SMAD4: variants seen among roughly 807,000 people sequenced by gnomAD.
SMAD4 encodes SMAD family member 4.
SMAD4 carries 7 observed loss-of-function variants against 63.2 expected under a neutral mutation model. The observed-to-expected ratio is 0.11, with a 90% CI of 0.06 to 0.21. The LOEUF is 0.21. Among genes scored for constraint, SMAD4 ranks in the 10% least tolerant of loss-of-function variants. The pLI, the probability that SMAD4 is intolerant of heterozygous loss-of-function variation, is 1.00. For synonymous variants in SMAD4, 215 were observed against 235.4 expected, an observed-to-expected ratio of 0.91 and a Z score of 0.79; for missense variants, 312 against 693.8, an observed-to-expected ratio of 0.45 and a Z score of 6.18.
At chr18:51,047,833 C>T (rs1421774224) in intron 2 of SMAD4, among the ~76,000 whole-genome samples, 2 of 151,866 alleles carry the variant, frequency 1.3e-5, no homozygotes, top group South Asian at 4.1e-4. Flanking sequence ...GGTCTTGAAC[C>T]GCTGACCTCA....
chr18:51,051,277 G>A (rs1909704633), intron 4 of SMAD4: 3 of 440,890 alleles, frequency 6.8e-6, no homozygotes, highest in South Asian at 1.6e-5. Context: ...TATAGTGACT[G>A]TAGGGCTGTA....
intron 8 of SMAD4, among the ~76,000 whole-genome samples, chr18:51,062,468 A>C (rs1910038562): frequency 6.6e-6 from 1 of 151,150 alleles, no homozygotes; most frequent in African/African-American, 2.4e-5. Flanking sequence ...TATGGATATC[A>C]CTTTTTTTTT....
intron 1 of SMAD4, among the ~76,000 whole-genome samples, chr18:51,032,132 A>G (rs573757826): frequency 6.6e-6 from 1 of 152,364 alleles, no homozygotes; most frequent in African/African-American, 2.4e-5. Context: ...ATGGTGAATT[A>G]TGTAGGTTTA....
rs867684157 is a variant in SMAD4, at chr18:51,084,045, G to C, written c.*5578G>C. ...ACACACACACACACACACACACACAGGTCAGAGTTTAAGGCTTTCGAGTCA... is the reference window on the plus strand; with the variant it reads ...ACACACACACACACACACACACACACGTCAGAGTTTAAGGCTTTCGAGTCA... On this transcript the variant is annotated 3_prime_UTR_variant, in exon 12 of 12. Coordinates refer to ENST00000342988, the MANE Select transcript of SMAD4 (RefSeq NM_005359.6). 727 of 190,718 alleles carry C rather than the reference G, an allele frequency of 3.8e-3. 2 individuals carry two copies. Among genetic ancestry groups the C allele is most frequent in the Non-Finnish European group, 5.0e-3 (487 of 96,920 alleles). 11.8% of individuals were successfully genotyped at this position (190,718 alleles called of 1,614,324 possible).
At chr18:51,067,338 A>G (rs987182560) in intron 10 of SMAD4, 151 bp downstream of exon 10, 3 of 471,360 alleles carry the variant, frequency 6.4e-6, no homozygotes, top group African/African-American at 4.0e-5. Flanking sequence ...TTCTGAGGGC[A>G]TTTATTGACA....
chr18:51,067,774 G>C lies in SMAD4; in HGVS notation c.1308+587G>C, dbSNP rs536180695. 2.1e-4 allele frequency among the ~76,000 whole-genome samples: 32 copies of C among 152,230 alleles called. No individual in the cohort carries two copies. In the South Asian group the frequency reaches 5.6e-3, roughly 27 times the overall value. ...AATACTGAGTGAAGCCTCCAAAGTT[G>C]TATTCCTGTAACTTGAAATTTGTAA... On this transcript the variant is annotated intron_variant, in intron 10 of 11. Coordinates refer to ENST00000342988, the MANE Select transcript of SMAD4 (RefSeq NM_005359.6).
chr18:51,044,302 G>T (rs1315809004), intron 1 of SMAD4, among the ~76,000 whole-genome samples: 1 of 152,054 alleles, frequency 6.6e-6, no homozygotes, highest in Non-Finnish European at 1.5e-5. Context: ...ACACTACCAT[G>T]CCTGGCGAAC....
In SMAD4 at chr18:51,078,997, G is replaced by A. The variant is rs1201098573; in HGVS notation, c.*530G>A. The A allele has an allele frequency of 1.3e-5, 3 of 234,110 alleles. No homozygotes were observed. The highest frequency in any genetic ancestry group is 2.5e-5 in the Non-Finnish European group (3 of 118,530). The allele number at this position is 234,110 out of a possible 1,614,324, so 14.5% of individuals were successfully genotyped here. ...TGTGTTTAAAAAGTAAGTTAATAAT[G>A]TATTGTAATCTTTCATCCAAAATAT... On this transcript the variant is annotated 3_prime_UTR_variant, in exon 12 of 12. Coordinates refer to ENST00000342988, the MANE Select transcript of SMAD4 (RefSeq NM_005359.6).
chr18:51,036,245 A>G (rs1599173499), intron 1 of SMAD4, among the ~76,000 whole-genome samples: 1 of 152,154 alleles, frequency 6.6e-6, no homozygotes, highest in South Asian at 2.1e-4. Context: ...GCTACCGAAT[A>G]TATATTTTTA....
rs1210971487 is a variant in SMAD4, at chr18:51,082,540, T to TAA, written c.*4074_*4075dup. On this transcript the variant is annotated 3_prime_UTR_variant, in exon 12 of 12. Transcript: ENST00000342988. ...CCACATCATCCAGAATTGCCTTATT[T>TAA]AAGAAGTAAAACGTTTTAATTTTTA... 9 of 228,482 alleles carry TAA rather than the reference T, an allele frequency of 3.9e-5. No individual in the cohort carries two copies. The East Asian group carries it at 4.4e-4, about 11-fold the overall frequency. 14.2% of individuals were successfully genotyped at this position (228,482 alleles called of 1,614,324 possible). A position where few individuals can be genotyped will look rare whatever the true frequency, so the allele number is the denominator to read the frequency against.
intron 1 of SMAD4, among the ~76,000 whole-genome samples, chr18:51,038,352 G>C (rs183895656): frequency 1.1e-4 from 17 of 152,010 alleles, no homozygotes; most frequent in Non-Finnish European, 2.4e-4. Flanking sequence ...TTACAAAATC[G>C]TGCATGGGTA....
intron 1 of SMAD4, among the ~76,000 whole-genome samples, chr18:51,037,493 T>C (rs180715636): frequency 6.6e-6 from 1 of 152,346 alleles, no homozygotes; most frequent in Admixed American, 6.5e-5. Flanking sequence ...ATTGTGTTCT[T>C]TATAGTCAAA....
chr18:51,048,972 T>C, intron 3 of SMAD4, 112 bp downstream of exon 3: 1 of 925,928 alleles, frequency 1.1e-6, no homozygotes, highest in Admixed American at 2.0e-5. Flanking sequence ...CGACTTTAAA[T>C]AAGGTTAAAG....
chr18:51,042,155 C>G (rs1303160519), intron 1 of SMAD4, among the ~76,000 whole-genome samples: 3 of 152,056 alleles, frequency 2.0e-5, no homozygotes, highest in Admixed American at 6.5e-5. Flanking sequence ...ATCTTGCATC[C>G]CACAAGACTT....
rs765691507 is a variant in SMAD4 at position 51,058,072 on chromosome 18, T to C, written c.668-53T>C. 111 of 1,606,762 alleles carry C rather than the reference T, an allele frequency of 6.9e-5. 1 individual carries two copies. The highest frequency in any genetic ancestry group is 9.4e-5 in the Non-Finnish European group (110 of 1,174,400). On this transcript the variant is annotated intron_variant, in intron 5 of 11. Coordinates refer to ENST00000342988, the MANE Select transcript of SMAD4 (RefSeq NM_005359.6). ...TTGGTCCTTCATTTAGTATATGAAATCATAAGATGACATCTATGAATGTAC... is the reference window on the plus strand; with the variant it reads ...TTGGTCCTTCATTTAGTATATGAAACCATAAGATGACATCTATGAATGTAC...
intron 10 of SMAD4, among the ~76,000 whole-genome samples, chr18:51,073,003 T>C (rs1229102076): frequency 6.6e-6 from 1 of 152,154 alleles, no homozygotes; most frequent in Admixed American, 6.6e-5. Context: ...TAGTTATTAG[T>C]GAACCTAACT....
chr18:51,057,666 C>G (rs1217759087), intron 5 of SMAD4, among the ~76,000 whole-genome samples: 1 of 152,194 alleles, frequency 6.6e-6, no homozygotes, highest in Non-Finnish European at 1.5e-5. Flanking sequence ...CTGTCAAACC[C>G]TAGCATTCTG....
In SMAD4 at chr18:51,065,606, G is replaced by GGTAT. The variant is rs745878382; in HGVS notation, c.1139+1_1139+4dup. ...AGGACAGAAGCCATTGAGAGAGCAA[G>GGTAT]GTATTGATTGTATAGTCAGATAGTT... On this transcript the variant is annotated frameshift_variant and splice_region_variant. Coordinates refer to ENST00000342988, the MANE Select transcript of SMAD4 (RefSeq NM_005359.6). LOFTEE classifies it high-confidence loss of function. 2 of 1,613,564 alleles carry GGTAT rather than the reference G, an allele frequency of 1.2e-6. No homozygotes were observed. Among genetic ancestry groups the GGTAT allele is most frequent in the South Asian group, 2.2e-5 (2 of 91,056 alleles).
Position 51,046,956 on chromosome 18 carries a change from A to G in SMAD4, c.-91A>G, listed in dbSNP as rs963833176. ...TACATGTCTAACAATTTTCCTTGCAACGTTAGCTGTTGTTTTTCACTGTTT... is the reference window on the plus strand; with the variant it reads ...TACATGTCTAACAATTTTCCTTGCAGCGTTAGCTGTTGTTTTTCACTGTTT... On this transcript the variant is annotated 5_prime_UTR_variant, in exon 2 of 12. Coordinates refer to ENST00000342988, the MANE Select transcript of SMAD4 (RefSeq NM_005359.6). 1.2e-5 allele frequency: 14 copies of G among 1,171,288 alleles called. No individual in the cohort carries two copies. The highest frequency in any genetic ancestry group is 1.8e-5 in the Non-Finnish European group (14 of 789,452). The allele number at this position is 1,171,288 out of a possible 1,614,324, so 72.6% of individuals were successfully genotyped here.
Sources: allele counts gnomAD v4.1 joint callset (sites outside exome capture counted in the v4.1 genomes callset), GRCh38; gene constraint gnomAD v4.1.1; transcripts MANE v1.5; gene names NCBI Gene and HGNC (gene_info 2026-07-23, HGNC 2026-07-21).